FLT4: variants seen among roughly 807,000 people sequenced by gnomAD.
The protein encoded by FLT4 is vascular endothelial growth factor receptor 3.
FLT4 carries 30 observed loss-of-function variants against 163.2 expected under a neutral mutation model. The ratio of observed to expected loss-of-function variants is 0.18; its 90% CI spans 0.14 to 0.25. The LOEUF (loss-of-function observed/expected upper bound fraction) is 0.25, where lower values mean the gene tolerates loss of function less well. Among genes scored for constraint, FLT4 ranks in the 10% least tolerant of loss-of-function variants. The pLI is 1.00. For missense variants in FLT4, 1,510 were observed against 1,863.8 expected (o/e 0.81, Z 3.50); for synonymous variants, 884 against 789.5 (o/e 1.12, Z -2.01).
intron 29 of FLT4, among the ~76,000 whole-genome samples, chr5:180,604,868 GT>G (rs1259526974): frequency 1.3e-5 from 2 of 151,946 alleles, no homozygotes; most frequent in Admixed American, 1.3e-4. Flanking sequence ...TTTCAGTTTT[GT>G]TTTCCTCTTT....
chr5:180,621,546 C>A lies in FLT4; in HGVS notation c.2016G>T (p.Val672=). 6.2e-7 allele frequency: 1 copy of A among 1,611,850 alleles called. No individual in the cohort carries two copies. Among genetic ancestry groups the A allele is most frequent in the Non-Finnish European group, 8.5e-7 (1 of 1,179,520 alleles). ...DKHCHKKYLS[V]QALEAPRLTQ... The stretch of plus-strand genomic sequence containing the variant: ...CCTCCCCGCGGCCAGCCTCACCCTG[C>A]ACCGACAGGTACTTCTTGTGGCAGT... The change falls in exon 13 of 30, where the codon GTG becomes GTT. Residue 672 remains valine, a synonymous_variant. Coordinates refer to ENST00000261937, the MANE Select transcript of FLT4 (RefSeq NM_182925.5).
intron 1 of FLT4, among the ~76,000 whole-genome samples, chr5:180,643,601 T>C (rs986499648): frequency 4.6e-5 from 7 of 152,100 alleles, no homozygotes; most frequent in Admixed American, 1.3e-4. Flanking sequence ...CCCTGCCCCT[T>C]TGCTGCTTAT....
At position 180,619,827 on chromosome 5, in the gene FLT4, T is replaced by C. The variant is rs1762985170; in HGVS notation, c.2543-58A>G. The C allele has an allele frequency of 5.2e-6, 7 of 1,358,394 alleles. 1 individual carries two copies. The highest frequency in any genetic ancestry group is 4.7e-5 in the South Asian group (4 of 84,496). The allele number at this position is 1,358,394 out of a possible 1,614,324, so 84.1% of individuals were successfully genotyped here. A position where few individuals can be genotyped will look rare whatever the true frequency, so the allele number is the denominator to read the frequency against. On this transcript the variant is annotated intron_variant, in intron 17 of 29. Coordinates refer to ENST00000261937, the MANE Select transcript of FLT4 (RefSeq NM_182925.5). ...TGTACGGGGTGAGCGTGGAGACAGG[T>C]GGGCGGCGGGGGAGCCCCGTGCAGA...
intron 1 of FLT4, among the ~76,000 whole-genome samples, chr5:180,637,531 TTTTG>T (rs896210942): frequency 3.3e-5 from 5 of 151,958 alleles, no homozygotes; most frequent in Admixed American, 2.0e-4. Context: ...CTCCCATCGT[TTTTG>T]TTTGTTTGTT....
In FLT4 at chr5:180,631,737, T is replaced by C. The variant is rs1039930088; in HGVS notation, c.100A>G (p.Ile34Val). 1.2e-6 allele frequency: 2 copies of C among 1,610,944 alleles called. No homozygotes were observed. Among genetic ancestry groups the C allele is most frequent in the Non-Finnish European group, 1.7e-6 (2 of 1,179,918 alleles). Residue 34 changes from isoleucine (I) to valine (V), a missense_variant, in exon 2 of 30, where the codon ATC (isoleucine) becomes GTC (valine). By Grantham distance (29) the Ile-to-Val change is conservative. Around this residue, in one of 5 missense-constraint regions of FLT4, gnomAD observed 157 missense variants for 178.7 expected, o/e 0.88. Transcript: ENST00000261937. Reference protein sequence around the residue: ...GYSMTPPTLNITEESHVIDTG... With the variant: ...GYSMTPPTLNVTEESHVIDTG... ...TCGATGACGTGTGACTCCTCCGTGA[T>C]GTTCAAGGTCGGGGGGGTCATGGAG...
chr5:180,643,898 C>T (rs1032113932), intron 1 of FLT4, among the ~76,000 whole-genome samples: 6 of 151,988 alleles, frequency 3.9e-5, no homozygotes, highest in East Asian at 1.9e-4. Flanking sequence ...CTCGGCTCAC[C>T]GTAACCTCCG....
chr5:180,615,096 C>T (rs1241951240), intron 23 of FLT4, among the ~76,000 whole-genome samples: 12 of 152,174 alleles, frequency 7.9e-5, no homozygotes, highest in East Asian at 1.9e-4. Flanking sequence ...GAGCAAGGCG[C>T]GGGGCAAAGA....
chr5:180,603,921 C>T (rs1313071132), intron 29 of FLT4, among the ~76,000 whole-genome samples: 2 of 139,138 alleles, frequency 1.4e-5, no homozygotes, highest in Admixed American at 6.9e-5. Flanking sequence ...AAAAAAATTG[C>T]TTGAGCCCAG....
chr5:180,602,602 C>T lies in FLT4; in HGVS notation c.*590G>A. The T allele has an allele frequency of 4.9e-6, 2 of 405,498 alleles. No homozygotes were observed. The highest frequency in any genetic ancestry group is 8.7e-6 in the Non-Finnish European group (2 of 229,652). The allele number at this position is 405,498 out of a possible 1,614,324, so 25.1% of individuals were successfully genotyped here. On this transcript the variant is annotated 3_prime_UTR_variant, in exon 30 of 30. Coordinates refer to ENST00000261937, the MANE Select transcript of FLT4 (RefSeq NM_182925.5). The stretch of plus-strand genomic sequence containing the variant: ...ATAATACTGTCATACTGGTGGCCAC[C>T]CCAGGGGCTAGTTGGCTGTTTGGTC...
intron 1 of FLT4, among the ~76,000 whole-genome samples, chr5:180,642,085 C>T (rs536445939): frequency 1.1e-3 from 164 of 152,012 alleles, no homozygotes; most frequent in African/African-American, 3.5e-3. Context: ...CGGGCGCCTG[C>T]AGTCCCAGCT....
At chr5:180,619,490 G>A (rs769198432) in intron 18 of FLT4, 124 bp from the exon 19 acceptor site, 3 of 921,552 alleles carry the variant, frequency 3.3e-6, no homozygotes, top group East Asian at 5.0e-5. Flanking sequence ...GCCCCACTGA[G>A]GCAGAGGGGG....
intron 1 of FLT4, among the ~76,000 whole-genome samples, chr5:180,643,043 G>A (rs1163993327): frequency 6.6e-6 from 1 of 152,216 alleles, no homozygotes; most frequent in Admixed American, 6.5e-5. Context: ...TTAAGATATT[G>A]TCTTGGGAAG....
In FLT4 at chr5:180,602,749, G is replaced by T; in HGVS notation, c.*443C>A. On this transcript the variant is annotated 3_prime_UTR_variant, in exon 30 of 30. Coordinates refer to ENST00000261937, the MANE Select transcript of FLT4 (RefSeq NM_182925.5). The stretch of plus-strand genomic sequence containing the variant: ...TGGGGAGAGTAGCTGTGTGCCTGAG[G>T]AGGAAAGGGCGTTTGGGAGACCTCT... 1 of 464,496 alleles carries T rather than the reference G, an allele frequency of 2.2e-6. No individual in the cohort carries two copies. The allele number at this position is 464,496 out of a possible 1,614,324, so 28.8% of individuals were successfully genotyped here.
chr5:180,609,512 C>G (rs955224540), intron 28 of FLT4: 13 of 355,776 alleles, frequency 3.7e-5, no homozygotes, highest in Non-Finnish European at 5.8e-5. Flanking sequence ...TTTTCAGAGT[C>G]CCCCAACATC....
chr5:180,650,169 C>CCA (rs1765669815), upstream of FLT4, among the ~76,000 whole-genome samples: 1 of 82,296 alleles, frequency 1.2e-5, no homozygotes, highest in African/African-American at 5.3e-5. Context: ...GTCTGGGAGC[C>CCA]AAAAAAAAAA....
In FLT4 at chr5:180,628,903, T is replaced by C; in HGVS notation, c.1082A>G (p.Tyr361Cys). ...TTACCACTGGAACTCGGGCGGGGGG[T>C]ACGCTGCCAGCTTCACGGGCAGCTT... ...LVKLPVKLAA[Y>C]PPPEFQWYKD... Residue 361 changes from tyrosine to cysteine, a missense_variant, in exon 8 of 30, where the codon TAC (tyrosine) becomes TGC (cysteine). Physicochemically the swap from Tyr to Cys is radical, Grantham distance 194. Coordinates refer to ENST00000261937, the MANE Select transcript of FLT4 (RefSeq NM_182925.5). 1 of 1,609,376 alleles carries C rather than the reference T, an allele frequency of 6.2e-7. No individual in the cohort carries two copies. The highest frequency in any genetic ancestry group is 8.5e-7 in the Non-Finnish European group (1 of 1,179,120).
At chr5:180,616,721 A>C (rs956847232) in intron 22 of FLT4, among the ~76,000 whole-genome samples, 179 bp downstream of exon 22, 4 of 152,200 alleles carry the variant, frequency 2.6e-5, no homozygotes, top group Non-Finnish European at 5.9e-5. Context: ...GCTGCTGACC[A>C]GCCAAGAGAC....
chr5:180,616,591 T>A, intron 22 of FLT4, 102 bp from the exon 23 acceptor site: 1 of 1,304,896 alleles, frequency 7.7e-7, no homozygotes, highest in Non-Finnish European at 1.1e-6. Flanking sequence ...ACCATGGGGA[T>A]GCCCTGCCTG....
chr5:180,633,143 C>T (rs972513258), intron 1 of FLT4, among the ~76,000 whole-genome samples: 3 of 152,176 alleles, frequency 2.0e-5, no homozygotes, highest in Non-Finnish European at 2.9e-5. Context: ...AGCACCAGGA[C>T]GGCACCTGCT....
Sources: allele counts gnomAD v4.1 joint callset (sites outside exome capture counted in the v4.1 genomes callset), GRCh38; gene constraint gnomAD v4.1.1; regional missense constraint gnomAD v4.1.1; transcripts MANE v1.5; gene names NCBI Gene and HGNC (gene_info 2026-07-23, HGNC 2026-07-21).